Variants in NRXN3 observed in about 807,000 individuals in gnomAD.
NRXN3 encodes neurexin 3.
NRXN3 carries 32 observed loss-of-function variants against 137.6 expected under a neutral mutation model. The observed-to-expected ratio is 0.23, with a 90% CI of 0.18 to 0.31. The LOEUF (loss-of-function observed/expected upper bound fraction) is 0.31, where lower values mean the gene tolerates loss of function less well. Ranked by LOEUF, NRXN3 falls within the 10% of genes least tolerant of loss-of-function variation. The probability of loss-of-function intolerance (pLI) is 1.00; values close to 1 mark genes in which losing one functional copy is unlikely to be tolerated. For synonymous variants in NRXN3, 798 were observed against 784.5 expected (o/e 1.02, Z -0.29); for missense variants, 1,574 against 2,062.5 (o/e 0.76, Z 4.59).
chr14:79,730,221 G>A (rs1158632932), intron 19 of NRXN3, among the ~76,000 whole-genome samples: 7 of 152,082 alleles, frequency 4.6e-5, no homozygotes, highest in Admixed American at 4.6e-4. Flanking sequence ...ATCCCACTTT[G>A]TGCCACAGCA....
Position 78,243,883 on chromosome 14 carries a change from A to G in NRXN3, c.709+81A>G. On this transcript the variant is annotated intron_variant, in intron 2 of 20. Coordinates refer to ENST00000335750, the MANE Select transcript of NRXN3 (RefSeq NM_001330195.2). This position sits in a 1 kb window ranked among gnomAD's most constrained non-coding sequence, Gnocchi z 4.2. ...GGCTCCTGATACAAACCAGTTCTAT[A>G]TGGATGCATATCTTTAGCTGCATGT... The G allele has an allele frequency of 1.0e-6, 1 of 993,532 alleles. No homozygotes were observed. The highest frequency in any genetic ancestry group is 2.2e-4 in the Middle Eastern group (1 of 4,594). 61.5% of individuals were successfully genotyped at this position (993,532 alleles called of 1,614,324 possible).
At chr14:78,331,051 C>G (rs2080762335) in intron 4 of NRXN3, among the ~76,000 whole-genome samples, 1 of 152,088 alleles carries the variant, frequency 6.6e-6, no homozygotes, top group Non-Finnish European at 1.5e-5. Context: ...GGTCAGGGCT[C>G]TAGTTCTTAG....
At chr14:79,528,174 C>A (rs1229006096) in intron 16 of NRXN3, among the ~76,000 whole-genome samples, 1 of 152,136 alleles carries the variant, frequency 6.6e-6, no homozygotes, top group Non-Finnish European at 1.5e-5. Context: ...ATTATAGTTT[C>A]TTGTGAACAT....
chr14:78,973,995 T>A (rs1243906863), intron 14 of NRXN3, among the ~76,000 whole-genome samples: 2 of 152,296 alleles, frequency 1.3e-5, no homozygotes, highest in African/African-American at 4.8e-5. Flanking sequence ...TCTGTCACTA[T>A]TTTACCATAA....
At position 78,333,526 on chromosome 14, in the gene NRXN3, G is replaced by A. The variant is rs114948862; in HGVS notation, c.757+35666G>A. 6.4e-3 allele frequency among the ~76,000 whole-genome samples: 978 copies of A among 152,294 alleles called. 10 individuals carry two copies. The highest frequency in any genetic ancestry group is 0.022 in the African/African-American group (933 of 41,552). On this transcript the variant is annotated intron_variant, in intron 4 of 20. Transcript: ENST00000335750. ...CTAGCTAGATACATAGATAGATGCT[G>A]GTAGGTGATATGTGCTATAGTAGAA... is the stretch of plus-strand genomic sequence containing the variant.
chr14:79,492,661 G>A (rs1278453129), intron 16 of NRXN3, among the ~76,000 whole-genome samples: 3 of 151,990 alleles, frequency 2.0e-5, no homozygotes, highest in Non-Finnish European at 4.4e-5. Flanking sequence ...GGATTACAGG[G>A]GTTAGCCACC....
chr14:79,409,000 T>A (rs2095365510), intron 15 of NRXN3, among the ~76,000 whole-genome samples: 1 of 152,134 alleles, frequency 6.6e-6, no homozygotes, highest in Non-Finnish European at 1.5e-5. Context: ...TCCTTTGGTC[T>A]ATGGATAAGA....
rs2099351083 is a variant in NRXN3, at chr14:79,839,411, CAAT to C, written c.4094-21930_4094-21928del. Among the ~76,000 whole-genome samples, 3 of 151,938 alleles carry C rather than the reference CAAT, an allele frequency of 2.0e-5. No individual in the cohort carries two copies. In the South Asian group the frequency reaches 6.2e-4, roughly 32 times the overall value. Reference sequence around the variant, plus strand: ...GCCTTTTAAAAAGTGTGTATAGAGTCAATGATGAATTAAGATGCAGTGTGAAAG... The same window carrying C: ...GCCTTTTAAAAAGTGTGTATAGAGTCGATGAATTAAGATGCAGTGTGAAAG... On this transcript the variant is annotated intron_variant, in intron 20 of 20. Transcript: ENST00000335750.
At chr14:79,840,988 C>T (rs2099354718) in intron 20 of NRXN3, among the ~76,000 whole-genome samples, 1 of 152,162 alleles carries the variant, frequency 6.6e-6, no homozygotes. Context: ...AAAGCTTCCT[C>T]CCTTATCTAC....
chr14:78,176,859 G>A (rs1326225195), intron 1 of NRXN3, among the ~76,000 whole-genome samples: 2 of 151,944 alleles, frequency 1.3e-5, no homozygotes, highest in South Asian at 2.1e-4. Context: ...TCTTGGTGGG[G>A]CAGGTGGGTG....
chr14:79,082,223 A>C (rs1418640309), intron 15 of NRXN3, among the ~76,000 whole-genome samples: 1 of 152,142 alleles, frequency 6.6e-6, no homozygotes, highest in African/African-American at 2.4e-5. Flanking sequence ...TGTACGTAAA[A>C]TTTAGGTGTT....
At chr14:79,245,548 C>T in intron 15 of NRXN3, among the ~76,000 whole-genome samples, 1 of 152,066 alleles carries the variant, frequency 6.6e-6, no homozygotes. Context: ...GCCTCAGTTT[C>T]CTTATCAGTA....
At chr14:78,351,782 C>CTTTTTTTTTT (rs11423743) in intron 4 of NRXN3, among the ~76,000 whole-genome samples, 1 of 127,866 alleles carries the variant, frequency 7.8e-6, no homozygotes, top group African/African-American at 3.0e-5. Flanking sequence ...TGGTATTTTT[C>CTTTTTTTTTT]TTTTTTTTTT....
At chr14:79,541,750 C>T (rs1172507506) in intron 16 of NRXN3, among the ~76,000 whole-genome samples, 1 of 152,184 alleles carries the variant, frequency 6.6e-6, no homozygotes, top group Non-Finnish European at 1.5e-5. Flanking sequence ...TAGCCAAAGA[C>T]TATCAGAAAC....
At chr14:78,737,154 G>A (rs886759961) in intron 8 of NRXN3, among the ~76,000 whole-genome samples, 3 of 151,976 alleles carry the variant, frequency 2.0e-5, no homozygotes, top group Non-Finnish European at 4.4e-5. Context: ...TCTACCTACC[G>A]TTCTTCCTAC....
intron 17 of NRXN3, among the ~76,000 whole-genome samples, chr14:79,682,671 A>T (rs1229181098): frequency 6.6e-6 from 1 of 152,134 alleles, no homozygotes; most frequent in African/African-American, 2.4e-5. Context: ...TTTTCTAATG[A>T]TGTTCTAAGC....
chr14:78,241,851 G>C (rs2067125545), intron 1 of NRXN3, among the ~76,000 whole-genome samples: 2 of 151,862 alleles, frequency 1.3e-5, no homozygotes, highest in South Asian at 4.2e-4. Context: ...TTCAGTAAGA[G>C]AGGAGGATTA....
intron 16 of NRXN3, among the ~76,000 whole-genome samples, chr14:79,588,575 G>A (rs1489979462): frequency 6.6e-6 from 1 of 152,184 alleles, no homozygotes; most frequent in South Asian, 2.1e-4. Flanking sequence ...GGCTCTGTGG[G>A]ACTTACAGTA....
intron 15 of NRXN3, among the ~76,000 whole-genome samples, chr14:79,346,577 T>G (rs553434058): frequency 1.3e-5 from 2 of 152,314 alleles, no homozygotes; most frequent in African/African-American, 2.4e-5. Flanking sequence ...AATCTTTACA[T>G]GATCACTGCT....
Sources: allele counts gnomAD v4.1 joint callset (sites outside exome capture counted in the v4.1 genomes callset), GRCh38; gene constraint gnomAD v4.1.1; non-coding constraint Gnocchi (gnomAD v3.1); transcripts MANE v1.5; gene names NCBI Gene and HGNC (gene_info 2026-07-23, HGNC 2026-07-21).